Variants in PLSCR4 observed in about 807,000 individuals in gnomAD.
PLSCR4 encodes the protein phospholipid scramblase 4.
Under a neutral mutation model 36.3 loss-of-function variants are expected in PLSCR4, and 25 were observed. That is an observed-to-expected ratio of 0.69 (90% confidence interval 0.50 to 0.96). The LOEUF is 0.96. Ranked by LOEUF, PLSCR4 falls within the 40% of genes least tolerant of loss-of-function variation. PLSCR4 has a pLI of 0.00. For missense variants in PLSCR4, 408 were observed against 414.7 expected, an observed-to-expected ratio of 0.98 and a Z score of 0.14; for synonymous variants, 122 against 132.9, an observed-to-expected ratio of 0.92 and a Z score of 0.56.
At chr3:146,220,045 G>A (rs1473424686) in intron 3 of PLSCR4, among the ~76,000 whole-genome samples, 4 of 151,862 alleles carry the variant, frequency 2.6e-5, no homozygotes, top group African/African-American at 9.7e-5. Context: ...CTAAATATAC[G>A]CTTAAATATG....
chr3:146,207,596 G>A (rs1292722675), intron 3 of PLSCR4, among the ~76,000 whole-genome samples: 1 of 152,062 alleles, frequency 6.6e-6, no homozygotes, highest in Non-Finnish European at 1.5e-5. Context: ...TATAGGGTAT[G>A]AGTGCCATCA....
intron 2 of PLSCR4, 114 bp from the exon 3 acceptor site, chr3:146,221,039 T>C (rs2035115347): frequency 1.7e-6 from 1 of 590,090 alleles, no homozygotes; most frequent in African/African-American, 1.9e-5. Context: ...AACTGGAAAA[T>C]ACACTCCTAT....
chr3:146,206,812 C>T, intron 3 of PLSCR4, 51 bp from the exon 4 acceptor site: 1 of 1,150,332 alleles, frequency 8.7e-7, no homozygotes, highest in Non-Finnish European at 1.2e-6. Context: ...CTAAAGTTAG[C>T]ATAACTTTTT....
At chr3:146,215,025 A>AT (rs1433175128) in intron 3 of PLSCR4, among the ~76,000 whole-genome samples, 1 of 152,142 alleles carries the variant, frequency 6.6e-6, no homozygotes, top group Non-Finnish European at 1.5e-5. Context: ...TAAAATGACC[A>AT]TTATCTCTAG....
intron 1 of PLSCR4, among the ~76,000 whole-genome samples, chr3:146,237,805 A>G (rs2035979506): frequency 6.6e-6 from 1 of 151,968 alleles, no homozygotes; most frequent in Admixed American, 6.5e-5. Flanking sequence ...ATATGTCTTA[A>G]AGAGCAAATT....
intron 1 of PLSCR4, among the ~76,000 whole-genome samples, chr3:146,229,585 T>G (rs920942955): frequency 1.4e-5 from 2 of 145,938 alleles, no homozygotes; most frequent in African/African-American, 5.2e-5. Flanking sequence ...TTTATCATTT[T>G]ATTTTTCATT....
intron 4 of PLSCR4, among the ~76,000 whole-genome samples, chr3:146,201,452 G>A (rs2034046066): frequency 6.6e-6 from 1 of 152,014 alleles, no homozygotes; most frequent in African/African-American, 2.4e-5. Context: ...GCCTGTAGTT[G>A]TTTAGTTAAG....
intron 3 of PLSCR4, among the ~76,000 whole-genome samples, chr3:146,213,765 T>A (rs1304691305): frequency 6.6e-6 from 1 of 152,226 alleles, no homozygotes; most frequent in Non-Finnish European, 1.5e-5. Context: ...TGTATCTTTC[T>A]AGGAACTTGT....
At chr3:146,240,334 T>C (rs76394200) in intron 1 of PLSCR4, among the ~76,000 whole-genome samples, 2,564 of 151,998 alleles carry the variant, frequency 0.017, 78 homozygotes, top group African/African-American at 0.058. Context: ...TTAAGGCCGG[T>C]CATAGTGGCT....
At chr3:146,202,894 G>A (rs998488206) in intron 4 of PLSCR4, among the ~76,000 whole-genome samples, 1 of 151,984 alleles carries the variant, frequency 6.6e-6, no homozygotes, top group East Asian at 1.9e-4. Context: ...TGTTAAAGTT[G>A]TATCATGAGT....
chr3:146,249,502 T>C (rs1296556884), intron 1 of PLSCR4, among the ~76,000 whole-genome samples: 3 of 152,106 alleles, frequency 2.0e-5, no homozygotes, highest in Admixed American at 2.0e-4. Flanking sequence ...ACACATCTGG[T>C]AGTAGGTCTA....
chr3:146,224,543 C>T lies in PLSCR4; in HGVS notation c.-21-2451G>A, dbSNP rs191404725. 9.8e-4 allele frequency among the ~76,000 whole-genome samples: 146 copies of T among 149,124 alleles called. 1 individual carries two copies. In the South Asian group the frequency reaches 0.015, roughly 15 times the overall value. On this transcript the variant is annotated intron_variant, in intron 1 of 8. Transcript: ENST00000354952. The stretch of plus-strand genomic sequence containing the variant: ...TCCTTCTGGTGGGTTCGTGGTCTCG[C>T]TGGCTCAGGAGTGAAGCTGCAGACC...
At chr3:146,227,076 A>T (rs1488660873) in intron 1 of PLSCR4, among the ~76,000 whole-genome samples, 1 of 152,216 alleles carries the variant, frequency 6.6e-6, no homozygotes, top group Non-Finnish European at 1.5e-5. Context: ...TGTTAACTTA[A>T]TCCTCCTTTA....
intron 2 of PLSCR4, among the ~76,000 whole-genome samples, chr3:146,221,690 GC>G (rs2035148814): frequency 6.6e-6 from 1 of 152,046 alleles, no homozygotes; most frequent in South Asian, 2.1e-4. Context: ...AAAATACAAG[GC>G]CTACTTTCAT....
chr3:146,223,540 G>A (rs2035275479), intron 1 of PLSCR4, among the ~76,000 whole-genome samples: 1 of 152,056 alleles, frequency 6.6e-6, no homozygotes, highest in African/African-American at 2.4e-5. Flanking sequence ...TTGTCCAAGT[G>A]GAGTAAAAAA....
At chr3:146,213,354 A>ATG in intron 3 of PLSCR4, among the ~76,000 whole-genome samples, 1 of 54,330 alleles carries the variant, frequency 1.8e-5, no homozygotes, top group East Asian at 6.0e-4. Context: ...TTTTTTTGTG[A>ATG]TGTAGTCTCA....
chr3:146,211,850 A>C (rs2034639621), intron 3 of PLSCR4, among the ~76,000 whole-genome samples: 1 of 152,146 alleles, frequency 6.6e-6, no homozygotes, highest in African/African-American at 2.4e-5. Flanking sequence ...CTTGTAAAAA[A>C]TCAGTTGGCT....
At chr3:146,215,783 G>A (rs1011011635) in intron 3 of PLSCR4, among the ~76,000 whole-genome samples, 1 of 152,328 alleles carries the variant, frequency 6.6e-6, no homozygotes, top group South Asian at 2.1e-4. Flanking sequence ...TTTGGGCTGT[G>A]TTGTTAAAGC....
chr3:146,238,614 TACTC>T (rs2036016823), intron 1 of PLSCR4, among the ~76,000 whole-genome samples: 1 of 152,070 alleles, frequency 6.6e-6, no homozygotes, highest in Admixed American at 6.6e-5. Context: ...AAACAATAAA[TACTC>T]AACAATCTAG....
Sources: gnomAD v4.1 joint callset for allele counts (sites outside exome capture counted in the v4.1 genomes callset) on GRCh38, gnomAD v4.1.1 for gene constraint, MANE v1.5 for transcripts, NCBI Gene and HGNC (gene_info 2026-07-23, HGNC 2026-07-21) for gene names.